The following SLC15A5 variants were observed in gnomAD, a reference collection of about 807,000 sequenced individuals.
The protein encoded by SLC15A5 is solute carrier family 15 member 5, also known as Peptide/histidine transporter ENSP00000340402.
SLC15A5 carries 58 observed loss-of-function variants against 56.1 expected under a neutral mutation model. The ratio of observed to expected loss-of-function variants is 1.03; its 90% CI spans 0.84 to 1.29. SLC15A5 has a LOEUF of 1.29. Ranked by LOEUF, SLC15A5 falls within the 50% of genes most tolerant of loss-of-function variation. The pLI, the probability that SLC15A5 is intolerant of heterozygous loss-of-function variation, is 0.00. For missense variants in SLC15A5, 681 were observed against 672.1 expected (o/e 1.01, Z -0.15); for synonymous variants, 264 against 250.5 (o/e 1.05, Z -0.51).
intron 7 of SLC15A5, among the ~76,000 whole-genome samples, chr12:16,197,225 C>T (rs1019016773): frequency 1.2e-4 from 18 of 152,022 alleles, no homozygotes; most frequent in African/African-American, 4.3e-4. Context: ...CATTCTAGTC[C>T]CACATTTTTT....
rs1864220631 is a variant in SLC15A5 at position 16,224,548 on chromosome 12, A to G, written c.1217T>C (p.Ile406Thr). Residue 406 changes from isoleucine (I) to threonine (T), a missense_variant, in exon 6 of 9, where the codon ATA (isoleucine) becomes ACA (threonine). Coordinates refer to ENST00000344941, the MANE Select transcript of SLC15A5 (RefSeq NM_001170798.1). ...CACTGCAGGGAAATGTTTTCGGTGTATTTCAAAGAAGCCAGCTATCATCAC... is the reference window on the plus strand; with the variant it reads ...CACTGCAGGGAAATGTTTTCGGTGTGTTTCAAAGAAGCCAGCTATCATCAC... ...LSVMIAGFFE[I>T]HRKHFPAVEQ... 6.5e-7 allele frequency: 1 copy of G among 1,537,220 alleles called. No homozygotes were observed. Among genetic ancestry groups the G allele is most frequent in the African/African-American group, 1.4e-5 (1 of 73,168 alleles).
intron 8 of SLC15A5, among the ~76,000 whole-genome samples, chr12:16,191,887 T>C (rs564017915): frequency 6.6e-6 from 1 of 152,168 alleles, no homozygotes; most frequent in African/African-American, 2.4e-5. Flanking sequence ...TCTTTTCCTG[T>C]GGGGTGCTCG....
chr12:16,204,937 G>A (rs1393280216), intron 7 of SLC15A5, among the ~76,000 whole-genome samples: 2 of 151,766 alleles, frequency 1.3e-5, no homozygotes, highest in African/African-American at 2.4e-5. Flanking sequence ...TGAAAAAGGT[G>A]GACAGATTTG....
At chr12:16,254,172 C>G (rs146111379) in intron 3 of SLC15A5, among the ~76,000 whole-genome samples, 2 of 151,854 alleles carry the variant, frequency 1.3e-5, no homozygotes, top group East Asian at 1.9e-4. Flanking sequence ...CATGGATAAA[C>G]GTTGAGGATA....
At position 16,244,804 on chromosome 12, in the gene SLC15A5, C is replaced by T; in HGVS notation, c.755-4G>A. 1.3e-6 allele frequency: 2 copies of T among 1,536,826 alleles called. No individual in the cohort carries two copies. Among genetic ancestry groups the T allele is most frequent in the Non-Finnish European group, 1.7e-6 (2 of 1,146,264 alleles). Reference sequence around the variant, plus strand: ...ACGCCTGTCAGGAGAGAACAACCTGCAAGTAATCGGAGATATTATGTATTA... The same window carrying T: ...ACGCCTGTCAGGAGAGAACAACCTGTAAGTAATCGGAGATATTATGTATTA... On this transcript the variant is annotated splice_polypyrimidine_tract_variant and splice_region_variant and intron_variant, in intron 3 of 8. Transcript: ENST00000344941.
At chr12:16,262,528 A>C (rs189511457) in intron 2 of SLC15A5, among the ~76,000 whole-genome samples, 87 of 152,356 alleles carry the variant, frequency 5.7e-4, no homozygotes, top group South Asian at 1.7e-3. Context: ...AAGAACATTA[A>C]ATGAAGAACA....
chr12:16,257,707 C>T lies in SLC15A5; in HGVS notation c.748G>A (p.Glu250Lys). ...TAACGCATAATTTACTTACGTTTTT[C>T]TGACTGATAAATTAGGTTGTAGTAT... ...MIYYNLIYQSEKRCSLLTGVG... is the reference protein window; with the variant it reads ...MIYYNLIYQSKKRCSLLTGVG... Residue 250 changes from glutamate (E) to lysine (K), a missense_variant, in exon 3 of 9, where the codon GAA becomes AAA. Glu to Lys is a moderately conservative substitution (Grantham distance 56). Coordinates refer to ENST00000344941, the MANE Select transcript of SLC15A5 (RefSeq NM_001170798.1). 1.4e-6 allele frequency: 2 copies of T among 1,462,454 alleles called. No homozygotes were observed. The highest frequency in any genetic ancestry group is 1.4e-5 in the South Asian group (1 of 70,556). 90.6% of individuals were successfully genotyped at this position (1,462,454 alleles called of 1,614,324 possible).
intron 3 of SLC15A5, among the ~76,000 whole-genome samples, chr12:16,248,208 A>G (rs1489014262): frequency 6.6e-6 from 1 of 152,126 alleles, no homozygotes; most frequent in African/African-American, 2.4e-5. Context: ...TTAGATGATA[A>G]CCAAGTCAAT....
At position 16,271,510 on chromosome 12, in the gene SLC15A5, G is replaced by C. The variant is rs1403188271; in HGVS notation, c.584+1051C>G. The stretch of plus-strand genomic sequence containing the variant: ...AAGACTGCATTGTTCTCTGACATTA[G>C]GACTTAATCCAAAATAGGGCTGAGT... On this transcript the variant is annotated intron_variant, in intron 2 of 8. Transcript: ENST00000344941. This position sits in a 1 kb window ranked among gnomAD's most constrained non-coding sequence, Gnocchi z 8.0. Among the ~76,000 whole-genome samples the C allele has an allele frequency of 3.9e-5, 6 of 151,956 alleles. No homozygotes were observed. The highest frequency in any genetic ancestry group is 2.9e-5 in the Non-Finnish European group (2 of 67,992).
intron 2 of SLC15A5, among the ~76,000 whole-genome samples, chr12:16,262,259 C>T (rs888114779): frequency 4.6e-5 from 7 of 152,242 alleles, no homozygotes; most frequent in Non-Finnish European, 7.3e-5. Flanking sequence ...TTTCATGACA[C>T]TATCATTTTC....
rs766458422 is a variant in SLC15A5, at chr12:16,193,780, GGAGAGAGAGAGAGA to G, written c.1592+551_1592+564del. Among the ~76,000 whole-genome samples the G allele has an allele frequency of 4.9e-3, 374 of 75,750 alleles. 12 individuals are homozygous for G. The highest frequency in any genetic ancestry group is 0.019 in the South Asian group (32 of 1,716). The allele number at this position is 75,750 out of a possible 152,430, so 49.7% of individuals were successfully genotyped here. A position where few individuals can be genotyped will look rare whatever the true frequency, so the allele number is the denominator to read the frequency against. On this transcript the variant is annotated intron_variant, in intron 8 of 8. Coordinates refer to ENST00000344941, the MANE Select transcript of SLC15A5 (RefSeq NM_001170798.1). ...ACAGCTGTCCAAGAATATGTCAAGG[GGAGAGAGAGAGAGA>G]GAGAGAGAGAGAGAGAGAGAGAGAG...
chr12:16,244,653 T>G lies in SLC15A5; in HGVS notation c.902A>C (p.Glu301Ala). 1 of 1,537,638 alleles carries G rather than the reference T, an allele frequency of 6.5e-7. No homozygotes were observed. Among genetic ancestry groups the G allele is most frequent in the Admixed American group, 2.0e-5 (1 of 51,008 alleles). ...AAGGGTGAGGAAAAATGTTGTGTCT[T>G]CTACATGGAGCTCACTGTAGCAGCC... is the stretch of plus-strand genomic sequence containing the variant. Reference protein sequence around the residue: ...NGGCYSELHVEDTTFFLTLLP... With the variant: ...NGGCYSELHVADTTFFLTLLP... Residue 301 changes from glutamate (E) to alanine (A), a missense_variant, in exon 4 of 9, where the codon GAA (glutamate) becomes GCA (alanine). Physicochemically the swap from Glu to Ala is moderately radical, Grantham distance 107. Coordinates refer to ENST00000344941, the MANE Select transcript of SLC15A5 (RefSeq NM_001170798.1).
intron 8 of SLC15A5, among the ~76,000 whole-genome samples, chr12:16,191,187 C>T (rs990082236): frequency 1.3e-5 from 2 of 151,938 alleles, no homozygotes; most frequent in African/African-American, 4.8e-5. Context: ...TAAGTCTGGC[C>T]TTATATTTAT....
At chr12:16,208,801 A>ATT (rs1416120142) in intron 7 of SLC15A5, among the ~76,000 whole-genome samples, 1 of 152,196 alleles carries the variant, frequency 6.6e-6, no homozygotes, top group African/African-American at 2.4e-5. Flanking sequence ...AGGTGTATGC[A>ATT]TTTTTTTAGT....
At chr12:16,268,774 T>G (rs1396970561) in intron 2 of SLC15A5, among the ~76,000 whole-genome samples, 1 of 152,174 alleles carries the variant, frequency 6.6e-6, no homozygotes, top group Non-Finnish European at 1.5e-5. Flanking sequence ...CTTATGGCTC[T>G]GGAGTTGTTT....
In SLC15A5 at chr12:16,251,070, A is replaced by G. The variant is rs533886645; in HGVS notation, c.755-6270T>C. 4.6e-5 allele frequency among the ~76,000 whole-genome samples: 7 copies of G among 152,086 alleles called. No individual in the cohort carries two copies. The South Asian group carries it at 1.2e-3, about 27-fold the overall frequency. ...TAAAAATTGACAAGAAATGAATACA[A>G]AACAACCTATTCTTAACAAATTGGA... On this transcript the variant is annotated intron_variant, in intron 3 of 8. Transcript: ENST00000344941.
rs1565678284 is a variant in SLC15A5 at position 16,277,530 on chromosome 12, A to G, written c.156T>C (p.Cys52=). Residue 52 remains cysteine, a synonymous_variant, in exon 1 of 9, where the codon TGT becomes TGC. Transcript: ENST00000344941. ...VGICLLLVEL[C]ERFTFFEVVC... is the part of the protein sequence containing the mutation. ...CGACTTCAAAGAACGTGAACCTCTC[A>G]CACAGCTCCACCAGAAGCAAGCAGA... 6.5e-7 allele frequency: 1 copy of G among 1,536,594 alleles called. No homozygotes were observed. Among genetic ancestry groups the G allele is most frequent in the East Asian group, 2.4e-5 (1 of 40,884 alleles).
intron 3 of SLC15A5, among the ~76,000 whole-genome samples, chr12:16,256,878 A>G (rs1332956958): frequency 6.7e-6 from 1 of 148,492 alleles, no homozygotes; most frequent in Non-Finnish European, 1.5e-5. Context: ...AAATAATAAT[A>G]ATAATAAATT....
chr12:16,238,516 G>T (rs1864375025), intron 5 of SLC15A5, among the ~76,000 whole-genome samples: 1 of 151,660 alleles, frequency 6.6e-6, no homozygotes, highest in African/African-American at 2.4e-5. Context: ...TGTAGTCCCA[G>T]CTACTCGGGA....
Sources: gnomAD v4.1 joint callset for allele counts (sites outside exome capture counted in the v4.1 genomes callset) on GRCh38, gnomAD v4.1.1 for gene constraint, Gnocchi (gnomAD v3.1) non-coding constraint, MANE v1.5 for transcripts, NCBI Gene and HGNC (gene_info 2026-07-23, HGNC 2026-07-21) for gene names.